ADPGK: variants seen among roughly 807,000 people sequenced by gnomAD.
ADPGK encodes ADP dependent glucokinase, also known as ADP-dependent glucokinase.
Under a neutral mutation model 42.4 loss-of-function variants are expected in ADPGK, and 26 were observed. That is an observed-to-expected ratio of 0.61 (90% CI 0.45 to 0.85). The LOEUF (loss-of-function observed/expected upper bound fraction) is 0.85, where lower values mean the gene tolerates loss of function less well. ADPGK is among the 40% of genes least tolerant of loss of function. ADPGK has a pLI of 0.00. For synonymous variants in ADPGK, 267 were observed against 252.6 expected (o/e 1.06, Z -0.54); for missense variants, 571 against 627.0 (o/e 0.91, Z 0.95).
chr15:72,770,842 C>T (rs955394150), intron 3 of ADPGK, among the ~76,000 whole-genome samples: 10 of 152,126 alleles, frequency 6.6e-5, no homozygotes, highest in African/African-American at 2.4e-4. Flanking sequence ...TGCTGATGAC[C>T]TATCCGTATT....
intron 1 of ADPGK, among the ~76,000 whole-genome samples, chr15:72,782,001 T>A (rs2066464440): frequency 1.3e-5 from 2 of 152,206 alleles, no homozygotes; most frequent in African/African-American, 4.8e-5. Flanking sequence ...CGGAAGCCAA[T>A]CCTGCCAACA....
At chr15:72,754,964 T>G (rs536247102) in intron 6 of ADPGK, among the ~76,000 whole-genome samples, 125 of 152,364 alleles carry the variant, frequency 8.2e-4, no homozygotes, top group African/African-American at 2.9e-3. Flanking sequence ...CTTCATTGTA[T>G]ATCTTTTCAT....
At chr15:72,757,817 C>A in intron 4 of ADPGK, 1 of 358,044 alleles carries the variant, frequency 2.8e-6, no homozygotes, top group South Asian at 3.8e-5. Context: ...TGAATAGTGA[C>A]ACTGCTAGGA....
intron 6 of ADPGK, among the ~76,000 whole-genome samples, chr15:72,753,490 C>G (rs1159047099): frequency 6.6e-6 from 1 of 152,168 alleles, no homozygotes; most frequent in Non-Finnish European, 1.5e-5. Context: ...GATGGGGAAC[C>G]ACAATATCCA....
rs1262966761 is a variant in ADPGK, at chr15:72,752,828, G to A, written c.1007C>T (p.Ala336Val). The A allele has an allele frequency of 6.2e-7, 1 of 1,614,230 alleles. No homozygotes were observed. Among genetic ancestry groups the A allele is most frequent in the Non-Finnish European group, 8.5e-7 (1 of 1,180,048 alleles). ...EQELLFLTQS[A>V]SGPHSSLSSW... ...AGAGAGAGAAGAGTGAGGTCCAGAG[G>A]CTGACTGGGTGAGAAATAACAGCTC... Residue 336 changes from alanine to valine, a missense_variant, in exon 7 of 7, where the codon GCC (alanine) becomes GTC (valine). Physicochemically the swap from Ala to Val is moderately conservative, Grantham distance 64. Coordinates refer to ENST00000456471, the MANE Select transcript of ADPGK (RefSeq NM_001365225.1).
chr15:72,773,961 C>T (rs12324758), intron 2 of ADPGK, among the ~76,000 whole-genome samples: 2,026 of 152,260 alleles, frequency 0.013, 46 homozygotes, highest in African/African-American at 0.046. Flanking sequence ...CTTGACCTCC[C>T]GGGCTCAGGT....
intron 4 of ADPGK, among the ~76,000 whole-genome samples, chr15:72,758,894 A>G (rs1372261766): frequency 6.6e-6 from 1 of 152,204 alleles, no homozygotes; most frequent in East Asian, 1.9e-4. Flanking sequence ...ATCTTTAGCA[A>G]TTCCAGACCC....
At chr15:72,773,020 G>A (rs2066347791) in intron 2 of ADPGK, among the ~76,000 whole-genome samples, 2 of 152,068 alleles carry the variant, frequency 1.3e-5, no homozygotes, top group African/African-American at 4.8e-5. Context: ...ACTAAACCAG[G>A]GGTGTCCAAT....
Position 72,783,556 on chromosome 15 carries a change from C to A in ADPGK, c.136G>T (p.Ala46Ser). The change falls in exon 1 of 7, where the codon GCG (alanine) becomes TCG (serine). Residue 46 changes from alanine (A) to serine (S), a missense_variant. Ala to Ser is a moderately conservative substitution (Grantham distance 99). Around this residue, in one of 2 missense-constraint regions of ADPGK, gnomAD observed 137 missense variants for 104.2 expected, o/e 1.31. Coordinates refer to ENST00000456471, the MANE Select transcript of ADPGK (RefSeq NM_001365225.1). ...TCGGGGGAGACGGGTCCCGGGGGCG[C>A]AGGCGCGGGCCCCAGACACAGCGAG... is the stretch of plus-strand genomic sequence containing the variant. The part of the protein sequence containing the change: ...WSSLCLGPAP[A>S]PPGPVSPEGR... 1 of 1,498,464 alleles carries A rather than the reference C, an allele frequency of 6.7e-7. No homozygotes were observed. The highest frequency in any genetic ancestry group is 8.8e-7 in the Non-Finnish European group (1 of 1,131,274). 92.8% of individuals were successfully genotyped at this position (1,498,464 alleles called of 1,614,324 possible).
intron 3 of ADPGK, among the ~76,000 whole-genome samples, chr15:72,766,882 G>A (rs1275224818): frequency 6.6e-6 from 1 of 152,130 alleles, no homozygotes; most frequent in Non-Finnish European, 1.5e-5. Context: ...GACAAAGATA[G>A]AGATGGGGCA....
rs1454039020 is a variant in ADPGK at position 72,760,421 on chromosome 15, A to G, written c.629T>C (p.Leu210Ser). The G allele has an allele frequency of 6.2e-7, 1 of 1,604,430 alleles. No homozygotes were observed. The highest frequency in any genetic ancestry group is 1.1e-5 in the South Asian group (1 of 90,090). Residue 210 changes from leucine (L) to serine (S), a missense_variant, in exon 4 of 7, where the codon TTA becomes TCA. Physicochemically the swap from Leu to Ser is moderately radical, Grantham distance 145 (BLOSUM62 -2). Transcript: ENST00000456471. ...CATTTCCTTACCTGCTTGATACTCTAAAATGAGGTGGAACTCATCCACTTC... is the reference window on the plus strand; with the variant it reads ...CATTTCCTTACCTGCTTGATACTCTGAAATGAGGTGGAACTCATCCACTTC... Reference protein sequence around the residue: ...LQEVDEFHLILEYQAGEEWGQ... With the variant: ...LQEVDEFHLISEYQAGEEWGQ...
chr15:72,776,434 T>C (rs544192107), intron 1 of ADPGK, among the ~76,000 whole-genome samples: 2 of 152,276 alleles, frequency 1.3e-5, no homozygotes, highest in African/African-American at 4.8e-5. Context: ...GCTTCAGAGT[T>C]AATTCTGAGC....
chr15:72,775,532 A>G (rs2066381303), intron 1 of ADPGK, among the ~76,000 whole-genome samples: 1 of 152,244 alleles, frequency 6.6e-6, no homozygotes. Flanking sequence ...TCATAGAGCT[A>G]TGGTTAAGAT....
Position 72,766,603 on chromosome 15 carries a change from C to T in ADPGK, c.522+5180G>A, listed in dbSNP as rs574595409. 6.9e-4 allele frequency among the ~76,000 whole-genome samples: 105 copies of T among 152,208 alleles called. 1 individual carries two copies. Among genetic ancestry groups the T allele is most frequent in the African/African-American group, 2.0e-3 (83 of 41,510 alleles). ...ACTGCACACTTACTTGACGATAGTA[C>T]GGTGTAAACATACCTTTTAATGCAC... On this transcript the variant is annotated intron_variant, in intron 3 of 6. Transcript: ENST00000456471.
At position 72,752,224 on chromosome 15, in the gene ADPGK, A is replaced by G; in HGVS notation, c.*117T>C. ...TGGAGTTGCCAACAGGCTGGAATGT[A>G]CCTGATACAGTTTAATCTGCTTTTA... On this transcript the variant is annotated 3_prime_UTR_variant, in exon 7 of 7. Coordinates refer to ENST00000456471, the MANE Select transcript of ADPGK (RefSeq NM_001365225.1). 9.8e-7 allele frequency: 1 copy of G among 1,021,820 alleles called. No individual in the cohort carries two copies. The allele number at this position is 1,021,820 out of a possible 1,614,324, so 63.3% of individuals were successfully genotyped here.
At chr15:72,753,987 T>C (rs527578057) in intron 6 of ADPGK, among the ~76,000 whole-genome samples, 29 of 151,802 alleles carry the variant, frequency 1.9e-4, no homozygotes, top group African/African-American at 6.8e-4. Context: ...CTGCTGGTAG[T>C]TGGGGAGGCT....
chr15:72,780,279 G>A (rs1230317240), intron 1 of ADPGK, among the ~76,000 whole-genome samples: 1 of 152,166 alleles, frequency 6.6e-6, no homozygotes, highest in African/African-American at 2.4e-5. Context: ...TCTTCTTAAG[G>A]TGTCAGGAAG....
At chr15:72,776,532 T>C (rs2066394549) in intron 1 of ADPGK, among the ~76,000 whole-genome samples, 1 of 152,230 alleles carries the variant, frequency 6.6e-6, no homozygotes, top group African/African-American at 2.4e-5. Context: ...ATTTCCCTTT[T>C]AGTCTCTTTC....
chr15:72,765,103 C>A (rs2066241849), intron 3 of ADPGK, among the ~76,000 whole-genome samples: 1 of 152,076 alleles, frequency 6.6e-6, no homozygotes, highest in Non-Finnish European at 1.5e-5. Context: ...TGTTTTCACA[C>A]CTGCTAATGC....
Sources: allele counts gnomAD v4.1 joint callset (sites outside exome capture counted in the v4.1 genomes callset), GRCh38; gene constraint gnomAD v4.1.1; regional missense constraint gnomAD v4.1.1; transcripts MANE v1.5; gene names NCBI Gene and HGNC (gene_info 2026-07-23, HGNC 2026-07-21).